The following NEDD4L variants were observed in gnomAD, a reference collection of about 807,000 sequenced individuals.
The protein encoded by NEDD4L is NEDD4 like E3 ubiquitin protein ligase, also known as E3 ubiquitin-protein ligase NEDD4-like.
A neutral mutation model predicts 148.9 loss-of-function variants in NEDD4L; 54 were observed. That is an observed-to-expected ratio of 0.36 (90% CI 0.29 to 0.45). The LOEUF is 0.45. Ranked by LOEUF, NEDD4L falls within the 20% of genes least tolerant of loss-of-function variation. The pLI, the probability that NEDD4L is intolerant of heterozygous loss-of-function variation, is 1.00. For synonymous variants in NEDD4L, 433 were observed against 440.7 expected, an observed-to-expected ratio of 0.98 and a Z score of 0.22; for missense variants, 856 against 1,233.8, an observed-to-expected ratio of 0.69 and a Z score of 4.59.
At chr18:58,349,508 A>G (rs1409440827) in intron 16 of NEDD4L, 29 bp from the exon 17 acceptor site, 4 of 1,585,630 alleles carry the variant, frequency 2.5e-6, no homozygotes, top group African/African-American at 1.3e-5. Flanking sequence ...TCCACTTAGC[A>G]TCTACTGTCT....
At chr18:58,251,096 C>T (rs1282772575) in intron 4 of NEDD4L, among the ~76,000 whole-genome samples, 5 of 152,156 alleles carry the variant, frequency 3.3e-5, no homozygotes, top group Admixed American at 3.3e-4. Flanking sequence ...GGCTCTTGGG[C>T]AAGTTACTTC....
intron 2 of NEDD4L, among the ~76,000 whole-genome samples, chr18:58,217,180 AG>A (rs1321814416): frequency 6.6e-6 from 1 of 152,202 alleles, no homozygotes; most frequent in Non-Finnish European, 1.5e-5. Flanking sequence ...TGGAAGAAAA[AG>A]CTAACGCGAG....
chr18:58,197,799 A>G (rs958435412), intron 2 of NEDD4L: 1 of 152,256 alleles, frequency 6.6e-6, no homozygotes, highest in African/African-American at 2.4e-5. Flanking sequence ...GCTGTTCAGC[A>G]GAAGAGAGCA....
At chr18:58,153,529 G>A (rs1368744466) in intron 1 of NEDD4L, among the ~76,000 whole-genome samples, 1 of 152,024 alleles carries the variant, frequency 6.6e-6, no homozygotes, top group African/African-American at 2.4e-5. Context: ...TAGTAGATAT[G>A]GGGTTTCACC....
chr18:58,400,764 T>A lies in NEDD4L; in HGVS notation c.*4495T>A, dbSNP rs1178963327. 6.6e-6 allele frequency: 1 copy of A among 152,224 alleles called. No homozygotes were observed. Among genetic ancestry groups the A allele is most frequent in the East Asian group, 1.9e-4 (1 of 5,206 alleles). The allele number at this position is 152,224 out of a possible 1,614,324, so 9.4% of individuals were successfully genotyped here. On this transcript the variant is annotated 3_prime_UTR_variant, in exon 31 of 31. Coordinates refer to ENST00000400345, the MANE Select transcript of NEDD4L (RefSeq NM_001144967.3). ...GAAGCCTTCCTCGTGACCATAACTC[T>A]GTGTCTGCAGATATGTGTTCCCGTG...
In NEDD4L at chr18:58,201,227, G is replaced by A. The variant is rs145996091; in HGVS notation, c.122+35366G>A. On this transcript the variant is annotated intron_variant, in intron 2 of 30. Transcript: ENST00000400345. ...GCCTGCCTGTAATCCCAGCTACTTG[G>A]GAAGCTGAGGCAGGAGAATTGCTTG... 2.0e-3 allele frequency among the ~76,000 whole-genome samples: 302 copies of A among 152,156 alleles called. 2 individuals carry two copies. The highest frequency in any genetic ancestry group is 6.9e-3 in the African/African-American group (285 of 41,500).
chr18:58,302,093 G>A (rs567021222), intron 5 of NEDD4L, among the ~76,000 whole-genome samples: 7 of 152,076 alleles, frequency 4.6e-5, no homozygotes, highest in Non-Finnish European at 1.0e-4. Flanking sequence ...ATCTTTTGTC[G>A]TCTAGCCTGA....
In NEDD4L at chr18:58,390,634, C is replaced by G; in HGVS notation, c.2656-12C>G. The G allele has an allele frequency of 6.4e-7, 1 of 1,562,298 alleles. No individual in the cohort carries two copies. Among genetic ancestry groups the G allele is most frequent in the Non-Finnish European group, 8.7e-7 (1 of 1,147,728 alleles). On this transcript the variant is annotated splice_polypyrimidine_tract_variant and intron_variant, in intron 28 of 30. Transcript: ENST00000400345. ...CGTGGGGGGTATAATGACCTTCTGC[C>G]TCTGTTCATAGGCTGTGCTACTCAT...
chr18:58,341,614 G>T, intron 14 of NEDD4L, 64 bp from the exon 15 acceptor site: 1 of 1,555,810 alleles, frequency 6.4e-7, no homozygotes, highest in Admixed American at 1.9e-5. Flanking sequence ...TTGGGTTCGC[G>T]CTCCTAATCA....
intron 5 of NEDD4L, among the ~76,000 whole-genome samples, chr18:58,283,643 A>G (rs891941853): frequency 2.6e-5 from 4 of 152,222 alleles, no homozygotes; most frequent in Non-Finnish European, 4.4e-5. Flanking sequence ...TAAGTCTTGA[A>G]GCCAGCTGCT....
rs982097608 is a variant in NEDD4L at position 58,246,462 on chromosome 18, GTTAT to G, written c.204+966_204+969del. On this transcript the variant is annotated intron_variant, in intron 3 of 30. Transcript: ENST00000400345. ...TTTGTTTCCATAAGTATGTCTTTTA[GTTAT>G]TTATTTATTTAGTTTGAGATGGAGT... Among the ~76,000 whole-genome samples, 124 of 151,910 alleles carry G rather than the reference GTTAT, an allele frequency of 8.2e-4. 2 individuals carry two copies. Among genetic ancestry groups the G allele is most frequent in the Non-Finnish European group, 2.8e-4 (19 of 67,992 alleles).
At chr18:58,324,206 GA>G (rs1221010970) in intron 8 of NEDD4L, among the ~76,000 whole-genome samples, 3 of 152,154 alleles carry the variant, frequency 2.0e-5, no homozygotes, top group Non-Finnish European at 4.4e-5. Flanking sequence ...CAAATCCAAG[GA>G]ATTTTTTACA....
chr18:58,279,671 C>G (rs1568559001), intron 5 of NEDD4L, among the ~76,000 whole-genome samples: 1 of 152,162 alleles, frequency 6.6e-6, no homozygotes, highest in East Asian at 1.9e-4. Context: ...AGAGCTGGGA[C>G]TTTGCATTGA....
intron 1 of NEDD4L, among the ~76,000 whole-genome samples, chr18:58,079,450 C>A (rs946470825): frequency 3.9e-5 from 6 of 152,206 alleles, no homozygotes; most frequent in African/African-American, 1.4e-4. Flanking sequence ...TAAAAACTCT[C>A]ACTTTCAACT....
At chr18:58,082,031 G>A (rs1292452110) in intron 1 of NEDD4L, among the ~76,000 whole-genome samples, 1 of 145,064 alleles carries the variant, frequency 6.9e-6, no homozygotes, top group African/African-American at 2.6e-5. Flanking sequence ...TGTAATCCAG[G>A]ACTAAATATA....
intron 1 of NEDD4L, among the ~76,000 whole-genome samples, chr18:58,161,895 C>T (rs74459048): frequency 1.3e-5 from 2 of 152,292 alleles, no homozygotes; most frequent in East Asian, 3.9e-4. Context: ...TTGGCCAGAA[C>T]TTTGTCATAT....
At chr18:58,395,775 G>A (rs2050413218) in intron 30 of NEDD4L, among the ~76,000 whole-genome samples, 1 of 152,160 alleles carries the variant, frequency 6.6e-6, no homozygotes, top group Non-Finnish European at 1.5e-5. Context: ...AGGGAGAAAA[G>A]CACTTGGCTT....
At chr18:58,264,567 T>C (rs2049945570) in intron 5 of NEDD4L, among the ~76,000 whole-genome samples, 1 of 152,050 alleles carries the variant, frequency 6.6e-6, no homozygotes, top group Non-Finnish European at 1.5e-5. Flanking sequence ...GGGGTACATG[T>C]GATATCTTGT....
intron 24 of NEDD4L, among the ~76,000 whole-genome samples, chr18:58,380,798 C>T (rs2048240846): frequency 6.6e-6 from 1 of 152,118 alleles, no homozygotes; most frequent in Non-Finnish European, 1.5e-5. Flanking sequence ...CGTTTAACTC[C>T]CACTTATGAG....
Sources: gnomAD v4.1 joint callset for allele counts (sites outside exome capture counted in the v4.1 genomes callset) on GRCh38, gnomAD v4.1.1 for gene constraint, MANE v1.5 for transcripts, NCBI Gene and HGNC (gene_info 2026-07-23, HGNC 2026-07-21) for gene names.